ASMTL: variants seen among roughly 807,000 people sequenced by gnomAD.
The protein encoded by ASMTL is probable bifunctional dTTP/UTP pyrophosphatase/methyltransferase protein.
A neutral mutation model predicts 60.3 loss-of-function variants in ASMTL; 57 were observed. That is an observed-to-expected ratio of 0.95 (90% confidence interval 0.76 to 1.18). The LOEUF is 1.18. Among genes scored for constraint, ASMTL ranks in the 50% most tolerant of loss-of-function variants. ASMTL has a pLI of 0.00. For synonymous variants in ASMTL, 419 were observed against 373.0 expected, an observed-to-expected ratio of 1.12 and a Z score of -1.42; for missense variants, 981 against 852.6, an observed-to-expected ratio of 1.15 and a Z score of -1.88.
At chrX:1,432,012 C>T in intron 6 of ASMTL, 2 of 558,240 alleles carry the variant, frequency 3.6e-6, no homozygotes, top group East Asian at 3.0e-5. Flanking sequence ...TGCCCAGCGC[C>T]TCCCCAGTCC....
At chrX:1,437,631 C>G (rs776409974) in intron 3 of ASMTL, among the ~76,000 whole-genome samples, 19 of 152,326 alleles carry the variant, frequency 1.2e-4, no homozygotes, top group Admixed American at 7.2e-4. Flanking sequence ...GGCGTGGTGG[C>G]TCACGCCTGT....
intron 6 of ASMTL, among the ~76,000 whole-genome samples, chrX:1,430,300 C>T (rs2149319392): frequency 6.6e-6 from 1 of 152,240 alleles, no homozygotes; most frequent in African/African-American, 2.4e-5. Flanking sequence ...GCGTGAGCCA[C>T]CATGCCTGGC....
chrX:1,420,039 G>GTCTGTA (rs775927193), intron 9 of ASMTL, among the ~76,000 whole-genome samples: 54 of 63,880 alleles, frequency 8.5e-4, no homozygotes, highest in African/African-American at 1.8e-3. Context: ...CTCTGTCTCT[G>GTCTGTA]TCTCTATGTC....
chrX:1,449,385 C>T (rs1276981509), intron 1 of ASMTL, among the ~76,000 whole-genome samples: 3 of 151,914 alleles, frequency 2.0e-5, no homozygotes, highest in Admixed American at 6.5e-5. Flanking sequence ...AGATCTCAAC[C>T]CCAGATCATA....
chrX:1,435,043 T>C lies in ASMTL; in HGVS notation c.379A>G (p.Ile127Val), dbSNP rs1405257721. 1.9e-6 allele frequency: 3 copies of C among 1,613,876 alleles called. No homozygotes were observed. The South Asian group carries it at 3.3e-5, about 18-fold the overall frequency. Residue 127 changes from isoleucine (I) to valine (V), a missense_variant, in exon 5 of 13, where the codon ATC (isoleucine) becomes GTC (valine). Ile to Val is a conservative substitution (Grantham distance 29, BLOSUM62 3). Transcript: ENST00000381317. ...TTACCTTTGCTGGAGCAGTGGACGATCGCGACACCTGTGAACACGCTGTGT... is the reference window on the plus strand; with the variant it reads ...TTACCTTTGCTGGAGCAGTGGACGACCGCGACACCTGTGAACACGCTGTGT... Reference protein sequence around the residue: ...REHSVFTGVAIVHCSSKDHQL... With the variant: ...REHSVFTGVAVVHCSSKDHQL...
upstream of ASMTL, chrX:1,453,048 C>T (rs868859798): frequency 2.5e-5 from 13 of 520,340 alleles, no homozygotes; most frequent in Non-Finnish European, 4.1e-5. Flanking sequence ...AACACTCCGT[C>T]AGGCCTCGCC....
At chrX:1,453,004 C>A, upstream of ASMTL, 2 of 561,372 alleles carry the variant, frequency 3.6e-6, no homozygotes, top group Non-Finnish European at 6.1e-6. Context: ...CAGTGGCCTC[C>A]CCGCGAGACC....
chrX:1,441,391 C>T (rs1299961703), intron 2 of ASMTL, among the ~76,000 whole-genome samples: 1 of 152,096 alleles, frequency 6.6e-6, no homozygotes, highest in Non-Finnish European at 1.5e-5. Flanking sequence ...ATTCTCCTGC[C>T]TCAGCCTCCT....
chrX:1,442,403 T>G lies in ASMTL; in HGVS notation c.94-86A>C, dbSNP rs2091128770. The stretch of plus-strand genomic sequence containing the variant: ...ACATGCAAGATTTGCAGGACGCACA[T>G]AGCGTTTGCTACACTCCCCGACCCT... On this transcript the variant is annotated intron_variant, in intron 1 of 12. Transcript: ENST00000381317. 2.0e-6 allele frequency: 3 copies of G among 1,487,006 alleles called. No individual in the cohort carries two copies. In the African/African-American group the frequency reaches 4.1e-5, roughly 21 times the overall value. The allele number at this position is 1,487,006 out of a possible 1,614,324, so 92.1% of individuals were successfully genotyped here. A position where few individuals can be genotyped will look rare whatever the true frequency, so the allele number is the denominator to read the frequency against.
At chrX:1,404,011 A>G (rs1460222543) in intron 12 of ASMTL, among the ~76,000 whole-genome samples, 8 of 148,844 alleles carry the variant, frequency 5.4e-5, no homozygotes, top group Admixed American at 3.3e-4. Context: ...TAGATGGTAC[A>G]TGATGGGCAG....
intron 3 of ASMTL, among the ~76,000 whole-genome samples, chrX:1,436,508 A>G (rs2090969697): frequency 1.3e-5 from 2 of 152,118 alleles, no homozygotes; most frequent in South Asian, 2.1e-4. Flanking sequence ...GCCCGCCACC[A>G]CACCCGGCTA....
Position 1,439,127 on chromosome X carries a change from G to A in ASMTL, c.243C>T (p.Pro81=), listed in dbSNP as rs750117216. ...TCGTGTCCGCTCCAATGACCACGTC[G>A]GGGGCCCGCAGGTCTTTCTGTAAGA... ...NRLYQKDLRA[P]DVVIGADTIV... Residue 81 remains proline (P), a synonymous_variant, in exon 3 of 13, where the codon CCC becomes CCT. Coordinates refer to ENST00000381317, the MANE Select transcript of ASMTL (RefSeq NM_004192.4). 1.3e-5 allele frequency: 21 copies of A among 1,613,970 alleles called. No individual in the cohort carries two copies. The highest frequency in any genetic ancestry group is 1.2e-4 in the South Asian group (11 of 91,078).
At chrX:1,439,171 C>G in intron 2 of ASMTL, 27 bp from the exon 3 acceptor site, 1 of 1,613,380 alleles carries the variant, frequency 6.2e-7, no homozygotes, top group Middle Eastern at 1.7e-4. Context: ...TTCCGGTTTA[C>G]CGGTGACGTG....
At chrX:1,436,317 G>A (rs2090962528) in intron 3 of ASMTL, among the ~76,000 whole-genome samples, 1 of 151,980 alleles carries the variant, frequency 6.6e-6, no homozygotes, top group South Asian at 2.1e-4. Flanking sequence ...GGGAATACAG[G>A]TGCACACCAC....
At chrX:1,421,923 T>C in intron 8 of ASMTL, 81 bp from the exon 9 acceptor site, 1 of 1,364,924 alleles carries the variant, frequency 7.3e-7, no homozygotes, top group South Asian at 1.2e-5. Flanking sequence ...ATCATTGAGA[T>C]GTTAAAATAA....
At chrX:1,410,346 C>T (rs771849598) in intron 12 of ASMTL, among the ~76,000 whole-genome samples, 5 of 151,580 alleles carry the variant, frequency 3.3e-5, no homozygotes, top group African/African-American at 1.2e-4. Flanking sequence ...GTCAAGGCTG[C>T]AGTGAACTAT....
intron 1 of ASMTL, among the ~76,000 whole-genome samples, chrX:1,447,684 CCACCATCTTGGACACA>C (rs1569534980): frequency 6.7e-6 from 1 of 149,882 alleles, no homozygotes; most frequent in Non-Finnish European, 1.5e-5. Flanking sequence ...TGGAGAAGCA[CCACCATCTTGGACACA>C]CACCATCTTG....
chrX:1,436,118 G>A (rs2090957521), intron 3 of ASMTL, among the ~76,000 whole-genome samples: 1 of 152,180 alleles, frequency 6.6e-6, no homozygotes, highest in Non-Finnish European at 1.5e-5. Flanking sequence ...GCTGGTTTCT[G>A]TCACTGACCG....
Position 1,412,886 on chromosome X carries a change from C to T in ASMTL, c.1523-32G>A, listed in dbSNP as rs777846660. ...TAAAGACAAAACGAGATACGTCCGT[C>T]AGGTATGGAAGAAGCAGTCCTCCCC... On this transcript the variant is annotated intron_variant, in intron 11 of 12. Coordinates refer to ENST00000381317, the MANE Select transcript of ASMTL (RefSeq NM_004192.4). The T allele has an allele frequency of 6.2e-7, 1 of 1,613,286 alleles. No homozygotes were observed. The highest frequency in any genetic ancestry group is 8.5e-7 in the Non-Finnish European group (1 of 1,179,356).
Sources: allele counts gnomAD v4.1 joint callset (sites outside exome capture counted in the v4.1 genomes callset), GRCh38; gene constraint gnomAD v4.1.1; transcripts MANE v1.5; gene names NCBI Gene and HGNC (gene_info 2026-07-23, HGNC 2026-07-21).